The following GLRA2 variants were observed in gnomAD, a reference collection of about 807,000 sequenced individuals.
GLRA2 encodes glycine receptor alpha 2.
A neutral mutation model predicts 31.6 loss-of-function variants in GLRA2; 11 were observed. The observed-to-expected ratio is 0.35, with a 90% CI of 0.22 to 0.58. The LOEUF is 0.58. Among genes scored for constraint, GLRA2 ranks in the 20% least tolerant of loss-of-function variants. GLRA2 has a pLI of 0.84. For missense variants in GLRA2, 212 were observed against 351.8 expected (o/e 0.60, Z 3.18); for synonymous variants, 132 against 134.0 (o/e 0.99, Z 0.10).
chrX:14,593,986 T>A (rs1057494044), intron 4 of GLRA2, among the ~76,000 whole-genome samples: 1 of 112,448 alleles, frequency 8.9e-6, no homozygotes, highest in Non-Finnish European at 1.9e-5. Flanking sequence ...AAAAGTAAAC[T>A]GAGGAATTAT....
chrX:14,695,021 A>T (rs1337043683), intron 8 of GLRA2, among the ~76,000 whole-genome samples: 6 of 112,061 alleles, frequency 5.4e-5, no homozygotes, highest in Non-Finnish European at 1.1e-4. Flanking sequence ...ATCTCGATAG[A>T]GTTGGCAAGT....
intron 2 of GLRA2, among the ~76,000 whole-genome samples, chrX:14,568,586 G>A (rs748269902): frequency 5.5e-4 from 60 of 109,650 alleles, no homozygotes; most frequent in African/African-American, 1.7e-3. Context: ...CCAGCTACTC[G>A]GGGGGCTGAG....
intron 2 of GLRA2, among the ~76,000 whole-genome samples, chrX:14,539,585 G>A (rs925005012): frequency 1.8e-5 from 2 of 111,558 alleles, no homozygotes; most frequent in African/African-American, 6.5e-5. Context: ...GTGGTTATGA[G>A]GTAAATACAA....
chrX:14,580,439 A>G (rs111953500), intron 3 of GLRA2, among the ~76,000 whole-genome samples: 3 of 111,535 alleles, frequency 2.7e-5, no homozygotes, highest in African/African-American at 9.8e-5. Context: ...AAGTCCCCAG[A>G]AGAGCAGTCA....
At chrX:14,604,543 AGTGT>A (rs377121617) in intron 5 of GLRA2, 146 bp downstream of exon 5, 17,979 of 159,152 alleles carry the variant, frequency 0.11, 1,444 homozygotes, top group Non-Finnish European at 0.13. Flanking sequence ...GACAAACCAA[AGTGT>A]GTGTGTGTGT....
the GLRA2 span, among the ~76,000 whole-genome samples, chrX:14,468,507 C>T: frequency 2.7e-5 from 3 of 111,951 alleles, no homozygotes; most frequent in Admixed American, 9.5e-5. Context: ...ACAAGGACTA[C>T]CTCGTAAGAT....
intron 7 of GLRA2, among the ~76,000 whole-genome samples, chrX:14,686,299 G>C (rs2091277211): frequency 8.9e-6 from 1 of 111,836 alleles, no homozygotes; most frequent in African/African-American, 3.3e-5. Flanking sequence ...TTTTGATTTG[G>C]GGTGGAGAGT....
intron 2 of GLRA2, among the ~76,000 whole-genome samples, chrX:14,542,172 C>T (rs1379863520): frequency 2.7e-5 from 3 of 111,978 alleles, no homozygotes; most frequent in Admixed American, 9.5e-5. Flanking sequence ...AGACCAGAGA[C>T]AGGCACTTCA....
the GLRA2 span, among the ~76,000 whole-genome samples, chrX:14,498,842 C>T: frequency 2.7e-5 from 3 of 111,395 alleles, no homozygotes; most frequent in Admixed American, 9.5e-5. Context: ...TAAGCTCCCA[C>T]GTGGGAAGGA....
At chrX:14,675,050 C>A (rs2147161710) in intron 7 of GLRA2, among the ~76,000 whole-genome samples, 1 of 112,074 alleles carries the variant, frequency 8.9e-6, no homozygotes, top group African/African-American at 3.2e-5. Flanking sequence ...TGGCAGGAAT[C>A]AATGTGCTTG....
At chrX:14,682,602 C>T (rs1210582932) in intron 7 of GLRA2, among the ~76,000 whole-genome samples, 1 of 109,660 alleles carries the variant, frequency 9.1e-6, no homozygotes, top group Non-Finnish European at 1.9e-5. Flanking sequence ...GCACAACGTG[C>T]AGGTTTGTTA....
intron 2 of GLRA2, among the ~76,000 whole-genome samples, chrX:14,554,361 A>G (rs2089611756): frequency 8.9e-6 from 1 of 111,986 alleles, no homozygotes; most frequent in African/African-American, 3.2e-5. Context: ...CTAAGGAAGA[A>G]ACAAGTCCCC....
chrX:14,491,533 G>A, the GLRA2 span, among the ~76,000 whole-genome samples: 1 of 112,101 alleles, frequency 8.9e-6, no homozygotes, highest in Admixed American at 9.5e-5. Flanking sequence ...TCTAATCAGT[G>A]GTTCTTAAAC....
chrX:14,575,312 C>T (rs1230666110), intron 3 of GLRA2, among the ~76,000 whole-genome samples: 3 of 109,754 alleles, frequency 2.7e-5, no homozygotes, highest in Non-Finnish European at 5.7e-5. Context: ...GCGATTCTTC[C>T]ACCTCAGCCT....
chrX:14,509,183 C>G, the GLRA2 span, among the ~76,000 whole-genome samples: 1 of 111,970 alleles, frequency 8.9e-6, no homozygotes, highest in Non-Finnish European at 1.9e-5. Context: ...TAAGCTAGCC[C>G]TTAGGGATAC....
intron 4 of GLRA2, among the ~76,000 whole-genome samples, chrX:14,598,812 CAG>C (rs1373212778): frequency 5.4e-5 from 6 of 112,013 alleles, no homozygotes; most frequent in African/African-American, 1.9e-4. Context: ...TAAGCAGAGA[CAG>C]GGGTTCAGCC....
At chrX:14,574,956 G>A (rs2089933443) in intron 3 of GLRA2, among the ~76,000 whole-genome samples, 1 of 110,042 alleles carries the variant, frequency 9.1e-6, no homozygotes, top group Non-Finnish European at 1.9e-5. Flanking sequence ...AGATAGTTGA[G>A]CCTCCCTTCG....
the GLRA2 span, among the ~76,000 whole-genome samples, chrX:14,497,860 T>C: frequency 9.4e-6 from 1 of 106,762 alleles, no homozygotes; most frequent in Non-Finnish European, 1.9e-5. Context: ...TCCATGTGGC[T>C]CTGCTTAAGG....
chrX:14,516,258 T>G, the GLRA2 span, among the ~76,000 whole-genome samples: 1 of 111,594 alleles, frequency 9.0e-6, no homozygotes, highest in African/African-American at 3.3e-5. Flanking sequence ...CATAGGTGTC[T>G]GGGATCAAAA....
Sources: allele counts gnomAD v4.1 joint callset (sites outside exome capture counted in the v4.1 genomes callset), GRCh38; gene constraint gnomAD v4.1.1; transcripts MANE v1.5; gene names NCBI Gene and HGNC (gene_info 2026-07-23, HGNC 2026-07-21).